The following ITM2C variants were observed in gnomAD, a reference collection of about 807,000 sequenced individuals.
ITM2C encodes the protein BRICHOS domain containing 2C.
A neutral mutation model predicts 30.0 loss-of-function variants in ITM2C; 20 were observed. The ratio of observed to expected loss-of-function variants is 0.67; its 90% CI spans 0.47 to 0.97. The LOEUF is 0.97. Among genes scored for constraint, ITM2C ranks in the 50% least tolerant of loss-of-function variants. The pLI, the probability that ITM2C is intolerant of heterozygous loss-of-function variation, is 0.00. For synonymous variants in ITM2C, 167 were observed against 156.4 expected, an observed-to-expected ratio of 1.07 and a Z score of -0.51; for missense variants, 366 against 371.9, an observed-to-expected ratio of 0.98 and a Z score of 0.13.
rs758028514 is a variant in ITM2C at position 230,877,430 on chromosome 2, A to T, written c.592A>T (p.Ile198Phe). 2 of 1,613,926 alleles carry T rather than the reference A, an allele frequency of 1.2e-6. No homozygotes were observed. The highest frequency in any genetic ancestry group is 1.7e-5 in the Admixed American group (1 of 60,008). The change falls in exon 5 of 6, where the codon ATC becomes TTC. Residue 198 changes from isoleucine (I) to phenylalanine (F), a missense_variant. By Grantham distance (21) the Ile-to-Phe change is conservative. Coordinates refer to ENST00000326427, the MANE Select transcript of ITM2C (RefSeq NM_030926.6). The surrounding 1 kb of genome is among the most constrained non-coding windows in gnomAD (Gnocchi z 4.8). ...GACCTACCTGCCGCAGACGTACATC[A>T]TCCAGGAGGAGATGGTGGTCACGGA... Reference protein sequence around the residue: ...RGTYLPQTYIIQEEMVVTEHV... With the variant: ...RGTYLPQTYIFQEEMVVTEHV...
chr2:230,871,641 C>T (rs1417998645), intron 1 of ITM2C, among the ~76,000 whole-genome samples: 1 of 152,210 alleles, frequency 6.6e-6, no homozygotes, highest in East Asian at 1.9e-4. Context: ...TCCTCATGGG[C>T]CAGGCAGTGC....
intron 2 of ITM2C, among the ~76,000 whole-genome samples, chr2:230,874,342 A>G (rs1574596162): frequency 6.6e-6 from 1 of 151,860 alleles, no homozygotes; most frequent in Admixed American, 6.5e-5. Flanking sequence ...TACACCCATC[A>G]CCTTCCTTTC....
chr2:230,871,372 G>A (rs1025495644), intron 1 of ITM2C, among the ~76,000 whole-genome samples: 3 of 152,240 alleles, frequency 2.0e-5, no homozygotes, highest in Non-Finnish European at 2.9e-5. Context: ...TGGGTGGTTC[G>A]ATCCCTGGGA....
chr2:230,876,405 A>G (rs1433967388), intron 3 of ITM2C, among the ~76,000 whole-genome samples: 1 of 152,154 alleles, frequency 6.6e-6, no homozygotes, highest in East Asian at 1.9e-4. Context: ...CCAGGTATTG[A>G]GGAGTCTGGA....
At chr2:230,864,870 C>G, upstream of ITM2C, 3 of 992,676 alleles carry the variant, frequency 3.0e-6, no homozygotes, top group Non-Finnish European at 2.6e-6. The surrounding 1 kb of genome is among the most constrained non-coding windows in gnomAD (Gnocchi z 4.3). Context: ...GGGGCCCTCC[C>G]GCGGGGACGG....
chr2:230,876,265 C>T (rs561571564), intron 3 of ITM2C, among the ~76,000 whole-genome samples: 1 of 152,336 alleles, frequency 6.6e-6, no homozygotes, highest in East Asian at 1.9e-4. Context: ...GTTCCCCAAA[C>T]CTCAGCTCTG....
Position 230,865,089 on chromosome 2 carries a change from T to TCGGCGTCGGCCC in ITM2C, c.66_77dup (p.Ser24_Ala27dup). The TCGGCGTCGGCCC allele has an allele frequency of 3.3e-6, 5 of 1,528,098 alleles. No individual in the cohort carries two copies. Among genetic ancestry groups the TCGGCGTCGGCCC allele is most frequent in the Non-Finnish European group, 4.4e-6 (5 of 1,134,186 alleles). 94.7% of individuals were successfully genotyped at this position (1,528,098 alleles called of 1,614,324 possible). A position where few individuals can be genotyped will look rare whatever the true frequency, so the allele number is the denominator to read the frequency against. Reference sequence around the variant, plus strand: ...CAAGGGCGACAAGGCTGACAAGGCGTCGGCGTCGGCCCCTGCGCCGGCCTC... The same window carrying TCGGCGTCGGCCC: ...CAAGGGCGACAAGGCTGACAAGGCGTCGGCGTCGGCCCCGGCGTCGGCCCCTGCGCCGGCCTC... On this transcript the variant is annotated inframe_insertion, in exon 1 of 6. Transcript: ENST00000326427. This position sits in a 1 kb window ranked among gnomAD's most constrained non-coding sequence, Gnocchi z 6.8.
Position 230,878,198 on chromosome 2 carries a change from C to T in ITM2C, c.*99C>T, listed in dbSNP as rs988563299. The T allele has an allele frequency of 2.1e-5, 17 of 816,268 alleles. No homozygotes were observed. The highest frequency in any genetic ancestry group is 1.1e-4 in the East Asian group (4 of 35,176). 50.6% of individuals were successfully genotyped at this position (816,268 alleles called of 1,614,324 possible). On this transcript the variant is annotated 3_prime_UTR_variant, in exon 6 of 6. Coordinates refer to ENST00000326427, the MANE Select transcript of ITM2C (RefSeq NM_030926.6). This position sits in a 1 kb window ranked among gnomAD's most constrained non-coding sequence, Gnocchi z 4.5. ...CCCCCTGCTTAGCTTGTACTTTGGACGCGTTTCTATAGAGGTGACATGTCT... is the reference window on the plus strand; with the variant it reads ...CCCCCTGCTTAGCTTGTACTTTGGATGCGTTTCTATAGAGGTGACATGTCT...
intron 1 of ITM2C, among the ~76,000 whole-genome samples, chr2:230,869,204 C>G (rs551548691): frequency 1.4e-4 from 22 of 152,218 alleles, no homozygotes; most frequent in Non-Finnish European, 2.9e-4. Context: ...GATGCCTTGA[C>G]TATCAGGGAT....
At chr2:230,864,829 G>T, upstream of ITM2C, 1 of 502,406 alleles carries the variant, frequency 2.0e-6, no homozygotes, top group Non-Finnish European at 2.9e-6. This position sits in a 1 kb window ranked among gnomAD's most constrained non-coding sequence, Gnocchi z 4.3. Context: ...GGCCCCGCGG[G>T]CGGGAAGGGG....
rs931551540 is a variant in ITM2C, at chr2:230,877,246, G to A, written c.562-154G>A. Among the ~76,000 whole-genome samples, 1 of 152,244 alleles carries A rather than the reference G, an allele frequency of 6.6e-6. No individual in the cohort carries two copies. The highest frequency in any genetic ancestry group is 1.5e-5 in the Non-Finnish European group (1 of 68,032). Reference sequence around the variant, plus strand: ...CATGCCATTGCTCCTGGCAGCACAGGTGCAGGCACCGGGCACAGGCAGGAA... The same window carrying A: ...CATGCCATTGCTCCTGGCAGCACAGATGCAGGCACCGGGCACAGGCAGGAA... On this transcript the variant is annotated intron_variant, in intron 4 of 5. Transcript: ENST00000326427. The surrounding 1 kb of genome is among the most constrained non-coding windows in gnomAD (Gnocchi z 4.8).
Position 230,878,914 on chromosome 2 carries a change from A to T in ITM2C, c.*815A>T, listed in dbSNP as rs1390756372. ...GCCGTGGGTTCTGCTGAGTAGGTGG[A>T]GCTCATTGCTTTCTCCAAGCTTGGA... is the stretch of plus-strand genomic sequence containing the variant. On this transcript the variant is annotated 3_prime_UTR_variant, in exon 6 of 6. Coordinates refer to ENST00000326427, the MANE Select transcript of ITM2C (RefSeq NM_030926.6). The surrounding 1 kb of genome is among the most constrained non-coding windows in gnomAD (Gnocchi z 4.5). 6.6e-6 allele frequency: 1 copy of T among 152,386 alleles called. No homozygotes were observed. The highest frequency in any genetic ancestry group is 2.4e-5 in the African/African-American group (1 of 41,374). 9.4% of individuals were successfully genotyped at this position (152,386 alleles called of 1,614,324 possible).
chr2:230,874,035 C>A (rs1484009823), intron 2 of ITM2C, among the ~76,000 whole-genome samples: 1 of 152,218 alleles, frequency 6.6e-6, no homozygotes, highest in Non-Finnish European at 1.5e-5. Flanking sequence ...TCCTTGCTGC[C>A]AACTATCATC....
At chr2:230,874,271 C>T (rs971647340) in intron 2 of ITM2C, among the ~76,000 whole-genome samples, 3 of 152,206 alleles carry the variant, frequency 2.0e-5, no homozygotes, top group African/African-American at 7.2e-5. Context: ...AGTTTTTCCA[C>T]GATGGAAATT....
chr2:230,869,080 T>C (rs539361421), intron 1 of ITM2C, among the ~76,000 whole-genome samples: 2 of 152,310 alleles, frequency 1.3e-5, no homozygotes, highest in South Asian at 4.1e-4. Context: ...AAAAAATGTT[T>C]ATGGTGAAAT....
At position 230,878,041 on chromosome 2, in the gene ITM2C, C is replaced by T; in HGVS notation, c.746C>T (p.Ala249Val). 2 of 1,610,356 alleles carry T rather than the reference C, an allele frequency of 1.2e-6. No individual in the cohort carries two copies. The highest frequency in any genetic ancestry group is 8.5e-7 in the Non-Finnish European group (1 of 1,178,026). Reference sequence around the variant, plus strand: ...AAGCGTGGGGCCAAGAACTGCAATGCCATCCGCCACTTCGAGAACACCTTC... The same window carrying T: ...AAGCGTGGGGCCAAGAACTGCAATGTCATCCGCCACTTCGAGAACACCTTC... Reference protein sequence around the residue: ...INKRGAKNCNAIRHFENTFVV... With the variant: ...INKRGAKNCNVIRHFENTFVV... Residue 249 changes from alanine to valine, a missense_variant, in exon 6 of 6, where the codon GCC becomes GTC. By Grantham distance (64) the Ala-to-Val change is moderately conservative (BLOSUM62 0). Transcript: ENST00000326427. This position sits in a 1 kb window ranked among gnomAD's most constrained non-coding sequence, Gnocchi z 4.5.
At chr2:230,867,018 C>A (rs1414985935) in intron 1 of ITM2C, among the ~76,000 whole-genome samples, 1 of 152,196 alleles carries the variant, frequency 6.6e-6, no homozygotes, top group East Asian at 1.9e-4. Flanking sequence ...AGCGTCCTTT[C>A]TTCCCCCTCA....
rs776861671 is a variant in ITM2C at position 230,877,957 on chromosome 2, G to A, written c.713-51G>A. 2.0e-6 allele frequency: 3 copies of A among 1,471,854 alleles called. No individual in the cohort carries two copies. The highest frequency in any genetic ancestry group is 2.9e-6 in the Non-Finnish European group (3 of 1,052,406). The allele number at this position is 1,471,854 out of a possible 1,614,324, so 91.2% of individuals were successfully genotyped here. A position where few individuals can be genotyped will look rare whatever the true frequency, so the allele number is the denominator to read the frequency against. On this transcript the variant is annotated intron_variant, in intron 5 of 5. Transcript: ENST00000326427. This position sits in a 1 kb window ranked among gnomAD's most constrained non-coding sequence, Gnocchi z 4.8. ...GCTCAGGCTGAGGCTGGTGGTCTTT[G>A]TGACTCAGCCAGGATGCAGGGCTCA...
At chr2:230,870,811 T>G (rs1253960973) in intron 1 of ITM2C, among the ~76,000 whole-genome samples, 1 of 151,880 alleles carries the variant, frequency 6.6e-6, no homozygotes, top group African/African-American at 2.4e-5. Context: ...GGCCTCACCT[T>G]GTCGGTGAAT....
Sources: allele counts gnomAD v4.1 joint callset (sites outside exome capture counted in the v4.1 genomes callset), GRCh38; gene constraint gnomAD v4.1.1; non-coding constraint Gnocchi (gnomAD v3.1); transcripts MANE v1.5; gene names NCBI Gene and HGNC (gene_info 2026-07-23, HGNC 2026-07-21).